DDC: variants seen among roughly 807,000 people sequenced by gnomAD.
DDC encodes aromatic-L-amino-acid decarboxylase.
DDC carries 43 observed loss-of-function variants against 60.0 expected under a neutral mutation model. That is an observed-to-expected ratio of 0.72 (90% confidence interval 0.56 to 0.92). The LOEUF is 0.92. DDC is among the 40% of genes least tolerant of loss of function. The probability of loss-of-function intolerance (pLI) is 0.00; values close to 1 mark genes in which losing one functional copy is unlikely to be tolerated. For synonymous variants in DDC, 232 were observed against 234.6 expected (o/e 0.99, Z 0.10); for missense variants, 573 against 620.2 (o/e 0.92, Z 0.81).
chr7:50,551,480 G>A (rs755445238), intron 1 of DDC, among the ~76,000 whole-genome samples: 13 of 152,002 alleles, frequency 8.6e-5, no homozygotes, highest in Non-Finnish European at 1.5e-4. Flanking sequence ...TGATCCACCC[G>A]CCTCAGCCTC....
At chr7:50,491,208 T>A (rs2042990981) in intron 9 of DDC, among the ~76,000 whole-genome samples, 1 of 152,246 alleles carries the variant, frequency 6.6e-6, no homozygotes, top group African/African-American at 2.4e-5. Context: ...AACAGGAACC[T>A]ATTTATATAC....
At chr7:50,493,254 T>C (rs1184534465) in intron 9 of DDC, among the ~76,000 whole-genome samples, 4 of 152,120 alleles carry the variant, frequency 2.6e-5, no homozygotes, top group Non-Finnish European at 4.4e-5. Flanking sequence ...CTTGCTGATA[T>C]CACTGTTCTA....
At chr7:50,563,832 G>A (rs1199857691) in intron 1 of DDC, among the ~76,000 whole-genome samples, 1 of 152,156 alleles carries the variant, frequency 6.6e-6, no homozygotes, top group Non-Finnish European at 1.5e-5. Context: ...AAACTCCTGA[G>A]CACAAGTGAT....
At chr7:50,510,729 C>T (rs1455116518) in intron 6 of DDC, among the ~76,000 whole-genome samples, 2 of 149,366 alleles carry the variant, frequency 1.3e-5, no homozygotes, top group Non-Finnish European at 3.0e-5. Flanking sequence ...CGCCTGTAAT[C>T]ACAGCACTTT....
chr7:50,529,427 G>T, intron 4 of DDC, 85 bp from the exon 5 acceptor site: 1 of 1,524,966 alleles, frequency 6.6e-7, no homozygotes, highest in Non-Finnish European at 9.1e-7. Context: ...ATTGTTTTGT[G>T]TCCATAGTTT....
At chr7:50,495,142 C>A (rs1382448820) in intron 9 of DDC, among the ~76,000 whole-genome samples, 1 of 152,200 alleles carries the variant, frequency 6.6e-6, no homozygotes, top group East Asian at 1.9e-4. Context: ...CTTCTCATTT[C>A]TTATGCCAGT....
At chr7:50,482,507 A>C (rs1439983880) in intron 9 of DDC, among the ~76,000 whole-genome samples, 2 of 152,202 alleles carry the variant, frequency 1.3e-5, no homozygotes, top group Non-Finnish European at 2.9e-5. Context: ...CTGGTGCTAC[A>C]TGAGTTCAGT....
chr7:50,508,508 C>T (rs1563013281), intron 6 of DDC, among the ~76,000 whole-genome samples: 1 of 152,228 alleles, frequency 6.6e-6, no homozygotes, highest in Non-Finnish European at 1.5e-5. Context: ...CCGACCTTAT[C>T]AAGCTGGCTC....
intron 1 of DDC, 137 bp downstream of exon 1, chr7:50,565,148 A>G (rs541591452): frequency 6.6e-6 from 1 of 152,546 alleles, no homozygotes; most frequent in South Asian, 2.1e-4. Flanking sequence ...CTGCAGCAGA[A>G]GAGAAAGCAC....
Position 50,479,963 on chromosome 7 carries a change from AGCCCT to A in DDC, c.945-105_945-101del, listed in dbSNP as rs11575456. 0.54 allele frequency: 441,434 copies of A among 810,866 alleles called. 123,835 individuals carry two copies. The highest frequency in any genetic ancestry group is 0.63 in the Admixed American group (31,874 of 50,328). The allele number at this position is 810,866 out of a possible 1,614,324, so 50.2% of individuals were successfully genotyped here. On this transcript the variant is annotated intron_variant, in intron 9 of 14. Coordinates refer to ENST00000444124, the MANE Select transcript of DDC (RefSeq NM_001082971.2). Reference sequence around the variant, plus strand: ...TGCCTCAGCTCAGGCACCTGCTCCCAGCCCTGCCCTGAACACCACTCTGCCTGCAC... The same window carrying A: ...TGCCTCAGCTCAGGCACCTGCTCCCAGCCCTGAACACCACTCTGCCTGCAC...
chr7:50,538,176 C>T (rs1367881677), intron 3 of DDC, among the ~76,000 whole-genome samples, 197 bp from the exon 4 acceptor site: 3 of 152,060 alleles, frequency 2.0e-5, no homozygotes, highest in African/African-American at 7.2e-5. Flanking sequence ...TACGGGCCAC[C>T]ATAATGAACC....
intron 11 of DDC, among the ~76,000 whole-genome samples, chr7:50,470,855 C>A (rs779179745): frequency 6.6e-6 from 1 of 152,192 alleles, no homozygotes. Flanking sequence ...AGGACTGGGA[C>A]GAGGAGACTG....
intron 8 of DDC, 38 bp from the exon 9 acceptor site, chr7:50,495,455 C>A (rs369863364): frequency 5.7e-5 from 84 of 1,479,078 alleles, no homozygotes; most frequent in Non-Finnish European, 7.7e-5. Context: ...AAAACATTTT[C>A]TTTATAAATG....
chr7:50,546,661 C>T (rs1050885701), intron 1 of DDC, among the ~76,000 whole-genome samples: 1 of 152,208 alleles, frequency 6.6e-6, no homozygotes, highest in African/African-American at 2.4e-5. Context: ...AATATTTTTA[C>T]TTCCATGTTC....
At chr7:50,530,532 A>T (rs1203280773) in intron 4 of DDC, among the ~76,000 whole-genome samples, 1 of 152,182 alleles carries the variant, frequency 6.6e-6, no homozygotes, top group Non-Finnish European at 1.5e-5. Context: ...ATCCCATTTA[A>T]GTTGTAAAAA....
chr7:50,521,971 T>G (rs957753164), intron 6 of DDC, among the ~76,000 whole-genome samples: 5 of 78,524 alleles, frequency 6.4e-5, no homozygotes, highest in Non-Finnish European at 1.5e-4. Flanking sequence ...ATATACAGAT[T>G]GGAAGGAAAG....
At chr7:50,559,435 T>C (rs1203254239) in intron 1 of DDC, among the ~76,000 whole-genome samples, 1 of 127,552 alleles carries the variant, frequency 7.8e-6, no homozygotes, top group South Asian at 2.2e-4. Flanking sequence ...TTTCTTTTTT[T>C]TTTTTTTTTG....
intron 13 of DDC, among the ~76,000 whole-genome samples, chr7:50,465,391 G>A (rs987033493): frequency 2.0e-5 from 3 of 151,706 alleles, no homozygotes. Flanking sequence ...TTTTTTTTGA[G>A]ACAGAGTCTT....
chr7:50,527,531 G>A (rs994760347), intron 6 of DDC, among the ~76,000 whole-genome samples: 9 of 152,084 alleles, frequency 5.9e-5, no homozygotes, highest in Non-Finnish European at 1.3e-4. Flanking sequence ...TTATTTGTTT[G>A]ACAAATATTT....
Sources: allele counts gnomAD v4.1 joint callset (sites outside exome capture counted in the v4.1 genomes callset), GRCh38; gene constraint gnomAD v4.1.1; transcripts MANE v1.5; gene names NCBI Gene and HGNC (gene_info 2026-07-23, HGNC 2026-07-21).